The following TLK2 variants were observed in gnomAD, a reference collection of about 807,000 sequenced individuals.
TLK2 encodes tousled like kinase 2, also known as serine/threonine-protein kinase tousled-like 2.
In TLK2, 6 loss-of-function variants were observed where a neutral mutation model predicts 117.3. That is an observed-to-expected ratio of 0.05 (90% CI 0.03 to 0.10). The LOEUF is 0.10. Among genes scored for constraint, TLK2 ranks in the 10% least tolerant of loss-of-function variants. The probability of loss-of-function intolerance (pLI) is 1.00; values close to 1 mark genes in which losing one functional copy is unlikely to be tolerated. For missense variants in TLK2, 299 were observed against 901.2 expected, an observed-to-expected ratio of 0.33 and a Z score of 8.56; for synonymous variants, 257 against 316.7, an observed-to-expected ratio of 0.81 and a Z score of 2.00.
chr17:62,493,006 G>A (rs898018253), intron 2 of TLK2, among the ~76,000 whole-genome samples: 1 of 152,058 alleles, frequency 6.6e-6, no homozygotes, highest in African/African-American at 2.4e-5. Flanking sequence ...GCTGATGCAA[G>A]AGAATCACTT....
chr17:62,489,316 TC>T (rs2072850758), intron 2 of TLK2, among the ~76,000 whole-genome samples: 1 of 151,890 alleles, frequency 6.6e-6, no homozygotes, highest in Non-Finnish European at 1.5e-5. Flanking sequence ...TTCTTCTGCC[TC>T]AACCTCCTGA....
At chr17:62,508,681 T>G in intron 2 of TLK2, 3 of 652,836 alleles carry the variant, frequency 4.6e-6, no homozygotes, top group Non-Finnish European at 5.7e-6. Context: ...AAAATCAGAA[T>G]AGGGGCCGGG....
In TLK2 at chr17:62,548,391, C is replaced by T. The variant is rs879291375; in HGVS notation, c.532-3911C>T. Among the ~76,000 whole-genome samples the T allele has an allele frequency of 1.3e-4, 19 of 151,922 alleles. No homozygotes were observed. The South Asian group carries it at 2.1e-3, about 17-fold the overall frequency. On this transcript the variant is annotated intron_variant, in intron 7 of 21. Coordinates refer to ENST00000346027, the MANE Select transcript of TLK2 (RefSeq NM_006852.6). ...CTGCCTCCCAGGTTCAAGCGATTCT[C>T]CTGCCTCAGCCTCCCAAGTAGCTGG...
intron 2 of TLK2, among the ~76,000 whole-genome samples, chr17:62,496,165 T>A (rs1211741122): frequency 1.3e-5 from 2 of 152,176 alleles, no homozygotes; most frequent in African/African-American, 4.8e-5. Flanking sequence ...TTTTAAAAAA[T>A]GCAAGTATAT....
chr17:62,474,180 G>A (rs933549803), upstream of TLK2, among the ~76,000 whole-genome samples: 15 of 151,826 alleles, frequency 9.9e-5, no homozygotes, highest in African/African-American at 3.1e-4. Flanking sequence ...CTGGGTTCAT[G>A]CCATTCTCCT....
intron 10 of TLK2, among the ~76,000 whole-genome samples, chr17:62,562,317 T>C (rs1468972142): frequency 2.0e-5 from 3 of 152,136 alleles, no homozygotes; most frequent in African/African-American, 2.4e-5. Flanking sequence ...CCTGAGATCA[T>C]GCCATTTCAC....
intron 2 of TLK2, among the ~76,000 whole-genome samples, chr17:62,507,835 G>A (rs560819844): frequency 4.4e-4 from 67 of 151,772 alleles, no homozygotes; most frequent in African/African-American, 1.4e-3. Flanking sequence ...ATTTTCTCTA[G>A]GCTTGTAACT....
At chr17:62,483,317 T>C (rs2071917125) in intron 2 of TLK2, among the ~76,000 whole-genome samples, 1 of 152,168 alleles carries the variant, frequency 6.6e-6, no homozygotes, top group African/African-American at 2.4e-5. Context: ...AAGTATACTT[T>C]TGATGGAGTA....
chr17:62,564,633 G>A (rs1039389994), intron 10 of TLK2, among the ~76,000 whole-genome samples: 2 of 151,792 alleles, frequency 1.3e-5, no homozygotes, highest in African/African-American at 2.4e-5. Flanking sequence ...GCTTGAACCC[G>A]GGAAGAAGAG....
chr17:62,599,081 G>C (rs1027724348), intron 17 of TLK2, among the ~76,000 whole-genome samples: 1 of 152,110 alleles, frequency 6.6e-6, no homozygotes, highest in Non-Finnish European at 1.5e-5. Flanking sequence ...AAGTAGCTGG[G>C]ATTACAGGCA....
At chr17:62,547,509 G>A (rs894099720) in intron 7 of TLK2, among the ~76,000 whole-genome samples, 1 of 151,960 alleles carries the variant, frequency 6.6e-6, no homozygotes, top group Non-Finnish European at 1.5e-5. Context: ...TCCCTATATT[G>A]TGTAGTACCT....
chr17:62,527,262 CTG>C (rs1266495062), intron 6 of TLK2, among the ~76,000 whole-genome samples: 2 of 152,168 alleles, frequency 1.3e-5, no homozygotes, highest in African/African-American at 4.8e-5. Flanking sequence ...TTGTTCCTAA[CTG>C]TACTTTATTT....
intron 21 of TLK2, among the ~76,000 whole-genome samples, chr17:62,610,355 G>T (rs1359792451): frequency 1.3e-5 from 2 of 152,164 alleles, no homozygotes; most frequent in East Asian, 3.9e-4. Context: ...ACTATTCCGG[G>T]TAGTGGAGAT....
intron 2 of TLK2, among the ~76,000 whole-genome samples, chr17:62,490,127 A>G (rs1265201243): frequency 6.6e-6 from 1 of 152,152 alleles, no homozygotes; most frequent in African/African-American, 2.4e-5. Context: ...ATCACACCCA[A>G]CCAGTTATAG....
chr17:62,570,191 CG>C (rs2080164685), intron 11 of TLK2, among the ~76,000 whole-genome samples: 1 of 152,130 alleles, frequency 6.6e-6, no homozygotes, highest in South Asian at 2.1e-4. Context: ...GAGGTACTAA[CG>C]ACTTTAACAC....
rs1306621404 is a variant in TLK2 at position 62,557,719 on chromosome 17, C to G, written c.721-2297C>G. ...TTTTGTACAGAGAAGCTCTGCTGTA[C>G]TGAGGAAGAATTGTGGGCGTGCCTT... On this transcript the variant is annotated intron_variant, in intron 9 of 21. Coordinates refer to ENST00000346027, the MANE Select transcript of TLK2 (RefSeq NM_006852.6). Among the ~76,000 whole-genome samples, 5 of 152,292 alleles carry G rather than the reference C, an allele frequency of 3.3e-5. No homozygotes were observed. In the East Asian group the frequency reaches 9.6e-4, roughly 29 times the overall value.
intron 2 of TLK2, among the ~76,000 whole-genome samples, chr17:62,503,174 C>T (rs770500030): frequency 6.6e-6 from 1 of 151,034 alleles, no homozygotes; most frequent in African/African-American, 2.4e-5. Flanking sequence ...ATTCTCCTGC[C>T]TCAGCCTCCC....
rs559666810 is a variant in TLK2 at position 62,483,576 on chromosome 17, C to A, written c.81+2370C>A. Reference sequence around the variant, plus strand: ...GGAGTGCAGTGGCACGATCTCGGCTCACCTCAACCTCCATCTCCCAGTCTC... The same window carrying A: ...GGAGTGCAGTGGCACGATCTCGGCTAACCTCAACCTCCATCTCCCAGTCTC... On this transcript the variant is annotated intron_variant, in intron 2 of 21. Transcript: ENST00000346027. 5.9e-5 allele frequency among the ~76,000 whole-genome samples: 9 copies of A among 152,342 alleles called. No individual in the cohort carries two copies. The South Asian group carries it at 1.9e-3, about 32-fold the overall frequency.
At chr17:62,609,491 C>G (rs2083572919) in intron 21 of TLK2, among the ~76,000 whole-genome samples, 1 of 152,172 alleles carries the variant, frequency 6.6e-6, no homozygotes, top group Admixed American at 6.5e-5. Flanking sequence ...GGTTTAGCTG[C>G]CATGTCACAG....
Sources: allele counts gnomAD v4.1 joint callset (sites outside exome capture counted in the v4.1 genomes callset), GRCh38; gene constraint gnomAD v4.1.1; transcripts MANE v1.5; gene names NCBI Gene and HGNC (gene_info 2026-07-23, HGNC 2026-07-21).